The following BPTF variants were observed in gnomAD, a reference collection of about 807,000 sequenced individuals.
BPTF encodes the protein bromodomain PHD finger transcription factor.
A neutral mutation model predicts 292.5 loss-of-function variants in BPTF; 18 were observed. The observed-to-expected ratio is 0.06, with a 90% CI of 0.04 to 0.09. The LOEUF is 0.09. Among genes scored for constraint, BPTF ranks in the 10% least tolerant of loss-of-function variants. The probability of loss-of-function intolerance (pLI) is 1.00; values close to 1 mark genes in which losing one functional copy is unlikely to be tolerated. For missense variants in BPTF, 2,726 were observed against 3,498.7 expected (o/e 0.78, Z 5.57); for synonymous variants, 1,225 against 1,251.9 (o/e 0.98, Z 0.45).
intron 2 of BPTF, among the ~76,000 whole-genome samples, chr17:67,858,443 C>T (rs1187888107): frequency 6.6e-6 from 1 of 151,828 alleles, no homozygotes; most frequent in Non-Finnish European, 1.5e-5. Context: ...AAGTTTACTG[C>T]TCTCAGGAAG....
chr17:67,871,472 A>G (rs964657048), intron 3 of BPTF, among the ~76,000 whole-genome samples: 2 of 151,514 alleles, frequency 1.3e-5, no homozygotes, highest in African/African-American at 4.8e-5. Context: ...ATTATACAGT[A>G]AATACTCATA....
intron 24 of BPTF, among the ~76,000 whole-genome samples, chr17:67,961,567 C>A (rs1423002886): frequency 3.3e-5 from 5 of 152,160 alleles, no homozygotes; most frequent in Non-Finnish European, 7.4e-5. Flanking sequence ...GAAAAAAGTG[C>A]TGGGCACCGT....
intron 27 of BPTF, chr17:67,981,785 A>T (rs1416211472): frequency 1.1e-6 from 1 of 945,700 alleles, no homozygotes; most frequent in Non-Finnish European, 1.3e-6. Flanking sequence ...GGACTTTAAT[A>T]GAAAAATGTG....
Position 67,947,783 on chromosome 17 carries a change from C to T in BPTF, c.7675C>T (p.Pro2559Ser), listed in dbSNP as rs2065919876. Residue 2559 changes from proline to serine, a missense_variant, in exon 22 of 28, where the codon CCA becomes TCA. Around this residue, in one of 22 missense-constraint regions of BPTF, gnomAD observed 570 missense variants for 633.5 expected, o/e 0.90. Coordinates refer to ENST00000306378, the MANE Select transcript of BPTF (RefSeq NM_182641.4). ...TTTAAAACAGAAAAAGAGCATGACT[C>T]CAGCTGAAAGAGAAGAGAATCAAAG... ...EHLKQKKSMTPAEREENQRMI... is the reference protein window; with the variant it reads ...EHLKQKKSMTSAEREENQRMI... The T allele has an allele frequency of 1.9e-6, 3 of 1,553,074 alleles. No individual in the cohort carries two copies. The highest frequency in any genetic ancestry group is 1.7e-6 in the Non-Finnish European group (2 of 1,147,606).
chr17:67,931,894 C>G lies in BPTF; in HGVS notation c.6151-17C>G. On this transcript the variant is annotated splice_polypyrimidine_tract_variant and intron_variant, in intron 17 of 27. Transcript: ENST00000306378. ...TTTTAAAGCATTTTAATTCATTGTTCTTTGTGTCATTTATAGGTAATCACA... is the reference window on the plus strand; with the variant it reads ...TTTTAAAGCATTTTAATTCATTGTTGTTTGTGTCATTTATAGGTAATCACA... 6.3e-7 allele frequency: 1 copy of G among 1,579,278 alleles called. No individual in the cohort carries two copies. Among genetic ancestry groups the G allele is most frequent in the Non-Finnish European group, 8.7e-7 (1 of 1,152,088 alleles).
Position 67,825,594 on chromosome 17 carries a change from C to G in BPTF, c.-131C>G. The G allele has an allele frequency of 4.9e-6, 2 of 405,284 alleles. No individual in the cohort carries two copies. Among genetic ancestry groups the G allele is most frequent in the South Asian group, 3.7e-5 (2 of 53,612 alleles). 25.1% of individuals were successfully genotyped at this position (405,284 alleles called of 1,614,324 possible). A position where few individuals can be genotyped will look rare whatever the true frequency, so the allele number is the denominator to read the frequency against. ...TTCGGATTGAGCCTTCTCCCTCCAC[C>G]CGCTTCCGTCGGCCGGGCCCCTCCC... On this transcript the variant is annotated 5_prime_UTR_variant, in exon 1 of 28. Transcript: ENST00000306378.
At chr17:67,853,822 C>A in intron 1 of BPTF, 118 bp from the exon 2 acceptor site, 2 of 767,982 alleles carry the variant, frequency 2.6e-6, no homozygotes, top group Non-Finnish European at 4.2e-6. Context: ...ATTATTTTAA[C>A]TTGACAATTA....
intron 1 of BPTF, among the ~76,000 whole-genome samples, chr17:67,832,783 CT>C (rs60751133): frequency 1.3e-3 from 129 of 101,638 alleles, no homozygotes; most frequent in Non-Finnish European, 1.4e-3. Flanking sequence ...TGATTCGCCT[CT>C]TTTTTTTTTT....
intron 10 of BPTF, among the ~76,000 whole-genome samples, chr17:67,910,229 A>G (rs1313428407): frequency 6.6e-6 from 1 of 152,178 alleles, no homozygotes; most frequent in Non-Finnish European, 1.5e-5. Flanking sequence ...AATACTCTGT[A>G]TGGATATGCC....
chr17:67,944,604 G>C, intron 20 of BPTF: 1 of 568,962 alleles, frequency 1.8e-6, no homozygotes. Flanking sequence ...GAGAGAGAAA[G>C]GGGGCAAAAA....
rs77815345 is a variant in BPTF at position 67,929,355 on chromosome 17, G to C, written c.6018G>C (p.Gln2006His). 1 of 1,613,794 alleles carries C rather than the reference G, an allele frequency of 6.2e-7. No individual in the cohort carries two copies. Among genetic ancestry groups the C allele is most frequent in the Admixed American group, 1.7e-5 (1 of 59,928 alleles). ...QSNSGVVQVQ[Q>H]KVLGIIPSST... ...TTTAAGGCGTTGTTCAAGTACAGCA[G>C]AAAGTCCTGGGTATCATTCCATCAA... The change falls in exon 17 of 28, where the codon CAG (glutamine) becomes CAC (histidine). Residue 2006 changes from glutamine (Q) to histidine (H), a missense_variant. This residue lies in a region of BPTF where 198 missense variants were observed against 277.1 expected (regional missense o/e 0.71). Coordinates refer to ENST00000306378, the MANE Select transcript of BPTF (RefSeq NM_182641.4).
chr17:67,964,423 C>G lies in BPTF; in HGVS notation c.8454+19C>G. 2 of 1,573,424 alleles carry G rather than the reference C, an allele frequency of 1.3e-6. No individual in the cohort carries two copies. The highest frequency in any genetic ancestry group is 1.7e-6 in the Non-Finnish European group (2 of 1,153,858). ...CTTACAGGTGAGACCCCTCTGTGTGCAGCATTTCAAAATGAAATCAGCCAG... is the reference window on the plus strand; with the variant it reads ...CTTACAGGTGAGACCCCTCTGTGTGGAGCATTTCAAAATGAAATCAGCCAG... On this transcript the variant is annotated intron_variant, in intron 25 of 27. Transcript: ENST00000306378.
intron 4 of BPTF, among the ~76,000 whole-genome samples, chr17:67,877,258 C>T (rs2060106650): frequency 6.6e-6 from 1 of 152,194 alleles, no homozygotes; most frequent in African/African-American, 2.4e-5. Flanking sequence ...TAATAGAGTT[C>T]TGACCTTCAC....
At position 67,854,168 on chromosome 17, in the gene BPTF, C is replaced by T; in HGVS notation, c.842C>T (p.Thr281Ile). Residue 281 changes from threonine (T) to isoleucine (I), a missense_variant, in exon 2 of 28, where the codon ACA (threonine) becomes ATA (isoleucine). By Grantham distance (89) the Thr-to-Ile change is moderately conservative. Coordinates refer to ENST00000306378, the MANE Select transcript of BPTF (RefSeq NM_182641.4). The surrounding 1 kb of genome is among the most constrained non-coding windows in gnomAD (Gnocchi z 5.6). ...GCTCTGGTGAGCCAAGAGCAGTGCACACTCATGGCAGAGATGCATGTTGTG... is the reference window on the plus strand; with the variant it reads ...GCTCTGGTGAGCCAAGAGCAGTGCATACTCATGGCAGAGATGCATGTTGTG... ...CAALVSQEQCTLMAEMHVVLL... is the reference protein window; with the variant it reads ...CAALVSQEQCILMAEMHVVLL... 6.2e-7 allele frequency: 1 copy of T among 1,614,226 alleles called. No individual in the cohort carries two copies. The highest frequency in any genetic ancestry group is 8.5e-7 in the Non-Finnish European group (1 of 1,180,050).
chr17:67,981,615 A>G (rs1421520640), intron 27 of BPTF: 1 of 1,033,252 alleles, frequency 9.7e-7, no homozygotes, highest in Admixed American at 5.9e-5. Context: ...TCTAGCAGCC[A>G]TGTTGAACAA....
chr17:67,909,484 C>T, intron 9 of BPTF, 98 bp from the exon 10 acceptor site: 2 of 690,300 alleles, frequency 2.9e-6, no homozygotes, highest in Non-Finnish European at 4.3e-6. Context: ...TGAAACATAA[C>T]TTGCTGGAAA....
In BPTF at chr17:67,874,859, ATAATGT is replaced by A. The variant is rs760372683; in HGVS notation, c.1707_1712del (p.Asn569_Val570del). The A allele has an allele frequency of 2.2e-4, 351 of 1,613,602 alleles. 5 individuals are homozygous for A. In the South Asian group the frequency reaches 3.7e-3, roughly 17 times the overall value. ...ATAAGAGCCAAAAAGGGAGACATTG[ATAATGT>A]TAAAAGCCCAGAAGAAACAGAAAAA... is the stretch of plus-strand genomic sequence containing the variant. On this transcript the variant is annotated inframe_deletion, in exon 4 of 28. Coordinates refer to ENST00000306378, the MANE Select transcript of BPTF (RefSeq NM_182641.4).
chr17:67,920,168 C>T (rs764969747), intron 13 of BPTF, 25 bp downstream of exon 13: 1 of 1,594,110 alleles, frequency 6.3e-7, no homozygotes, highest in Non-Finnish European at 8.6e-7. Flanking sequence ...TCTATTCTTT[C>T]ATGATTAACC....
rs1432268866 is a variant in BPTF at position 67,913,110 on chromosome 17, T to C, written c.5226T>C (p.Tyr1742=). The C allele has an allele frequency of 1.9e-6, 3 of 1,614,170 alleles. No homozygotes were observed. Among genetic ancestry groups the C allele is most frequent in the Non-Finnish European group, 2.5e-6 (3 of 1,180,016 alleles). The change falls in exon 11 of 28, where the codon TAT becomes TAC. Residue 1742 remains tyrosine, a synonymous_variant. Transcript: ENST00000306378. ...AAGGAGGAATCCGAGAGGTCCCTTA[T>C]TTTAATTACAATGCAAAACCTGCTT... ...ARKGGIREVP[Y]FNYNAKPALD...
Sources: allele counts gnomAD v4.1 joint callset (sites outside exome capture counted in the v4.1 genomes callset), GRCh38; gene constraint gnomAD v4.1.1; regional missense constraint gnomAD v4.1.1; non-coding constraint Gnocchi (gnomAD v3.1); transcripts MANE v1.5; gene names NCBI Gene and HGNC (gene_info 2026-07-23, HGNC 2026-07-21).